Variants in KCNMB2 observed in about 807,000 individuals in gnomAD.
KCNMB2 encodes the protein calcium-activated potassium channel subunit beta-2.
Under a neutral mutation model 24.5 loss-of-function variants are expected in KCNMB2, and 9 were observed. The observed-to-expected ratio is 0.37, with a 90% CI of 0.22 to 0.64. KCNMB2 has a LOEUF of 0.64. Ranked by LOEUF, KCNMB2 falls within the 30% of genes least tolerant of loss-of-function variation. KCNMB2 has a pLI of 0.63. For synonymous variants in KCNMB2, 109 were observed against 104.4 expected (o/e 1.04, Z -0.27); for missense variants, 226 against 284.3 (o/e 0.79, Z 1.47).
intron 1 of KCNMB2, among the ~76,000 whole-genome samples, chr3:178,716,086 G>A (rs1577120582): frequency 3.9e-5 from 6 of 152,190 alleles, no homozygotes; most frequent in Admixed American, 2.0e-4. Context: ...TTACAGTTCA[G>A]CCAACTCCCA....
intron 2 of KCNMB2, among the ~76,000 whole-genome samples, 179 bp from the exon 3 acceptor site, chr3:178,825,409 T>TG (rs112922424): frequency 2.0e-5 from 3 of 152,114 alleles, no homozygotes; most frequent in African/African-American, 7.2e-5. Flanking sequence ...CATGTGCTTG[T>TG]GAGTGTGTGT....
chr3:178,611,501 A>G (rs538342694), intron 1 of KCNMB2, among the ~76,000 whole-genome samples: 78 of 152,218 alleles, frequency 5.1e-4, no homozygotes, highest in Middle Eastern at 3.4e-3. Flanking sequence ...TCAGGAGATC[A>G]AGACCATCCT....
At chr3:178,597,587 G>A (rs762729340) in intron 1 of KCNMB2, among the ~76,000 whole-genome samples, 15 of 152,128 alleles carry the variant, frequency 9.9e-5, no homozygotes, top group Non-Finnish European at 1.8e-4. Context: ...TGGGAACAAA[G>A]TCACACTGTC....
In KCNMB2 at chr3:178,583,319, A is replaced by C. The variant is rs574611758; in HGVS notation, c.-68+46608A>C. 8.8e-4 allele frequency among the ~76,000 whole-genome samples: 134 copies of C among 152,342 alleles called. 1 individual carries two copies. Among genetic ancestry groups the C allele is most frequent in the African/African-American group, 3.2e-3 (132 of 41,586 alleles). On this transcript the variant is annotated intron_variant, in intron 1 of 4. Transcript: ENST00000452583. ...ACAAAGTAAGATGAGCAATTACATC[A>C]GATTATACTAATCATTGGTTAAATC...
intron 2 of KCNMB2, among the ~76,000 whole-genome samples, chr3:178,822,937 A>T (rs1250635677): frequency 1.3e-5 from 2 of 152,190 alleles, no homozygotes; most frequent in African/African-American, 2.4e-5. Context: ...GCTGTCTTCT[A>T]TCTGCAGGAA....
chr3:178,679,527 G>A (rs1205705251), intron 1 of KCNMB2, among the ~76,000 whole-genome samples: 1 of 152,180 alleles, frequency 6.6e-6, no homozygotes, highest in Non-Finnish European at 1.5e-5. Context: ...GTTGGGGCTT[G>A]CACATGTACA....
intron 1 of KCNMB2, among the ~76,000 whole-genome samples, chr3:178,751,573 C>CAAAAAAAAAAAAAA (rs61148761): frequency 2.1e-5 from 1 of 47,692 alleles, no homozygotes; most frequent in Non-Finnish European, 3.5e-5. Flanking sequence ...GACTCCGTCT[C>CAAAAAAAAAAAAAA]AAAAAAAAAA....
In KCNMB2 at chr3:178,793,052, C is replaced by T. The variant is rs1713388075; in HGVS notation, c.-67-14291C>T. Among the ~76,000 whole-genome samples the T allele has an allele frequency of 2.0e-5, 3 of 152,332 alleles. No individual in the cohort carries two copies. The South Asian group carries it at 6.2e-4, about 32-fold the overall frequency. On this transcript the variant is annotated intron_variant, in intron 1 of 4. Transcript: ENST00000452583. ...ACAGCCACAAGCTACATCGACAGTG[C>T]CCATGTTCTGCTGCTGAGCCACCAT...
chr3:178,835,980 A>G (rs1715214811), intron 4 of KCNMB2, among the ~76,000 whole-genome samples: 1 of 152,156 alleles, frequency 6.6e-6, no homozygotes, highest in Non-Finnish European at 1.5e-5. Flanking sequence ...GATTTTATCA[A>G]ATTTCTAACC....
intron 2 of KCNMB2, among the ~76,000 whole-genome samples, chr3:178,823,564 A>T (rs191098367): frequency 7.2e-5 from 11 of 152,348 alleles, no homozygotes; most frequent in Admixed American, 2.0e-4. Context: ...CAATACTTAG[A>T]TTAATAAATA....
intron 1 of KCNMB2, among the ~76,000 whole-genome samples, chr3:178,676,017 C>T (rs1460349244): frequency 6.6e-6 from 1 of 152,210 alleles, no homozygotes; most frequent in Non-Finnish European, 1.5e-5. Flanking sequence ...GGTTAATCAG[C>T]TTGCCTAAAA....
At position 178,727,180 on chromosome 3, in the gene KCNMB2, T is replaced by G. The variant is rs549199406; in HGVS notation, c.-67-80163T>G. ...TATCTATTCTAGCTCTCAATGTTCTTGAATCTACGTACTGGCCTCAATACA... is the reference window on the plus strand; with the variant it reads ...TATCTATTCTAGCTCTCAATGTTCTGGAATCTACGTACTGGCCTCAATACA... On this transcript the variant is annotated intron_variant, in intron 1 of 4. Transcript: ENST00000452583. Among the ~76,000 whole-genome samples the G allele has an allele frequency of 2.0e-5, 3 of 152,252 alleles. No individual in the cohort carries two copies. In the South Asian group the frequency reaches 6.2e-4, roughly 32 times the overall value.
intron 1 of KCNMB2, among the ~76,000 whole-genome samples, chr3:178,553,608 G>A (rs4857773): frequency 0.24 from 35,719 of 150,514 alleles, 4,955 homozygotes; most frequent in East Asian, 0.44. Context: ...CTCAGCTCAC[G>A]GCAACCTTCA....
intron 1 of KCNMB2, among the ~76,000 whole-genome samples, chr3:178,650,772 C>T (rs896657875): frequency 3.3e-5 from 5 of 152,066 alleles, no homozygotes; most frequent in African/African-American, 9.7e-5. Context: ...TATCAATATA[C>T]GTAATCCATC....
intron 1 of KCNMB2, among the ~76,000 whole-genome samples, chr3:178,586,947 A>AT (rs1190900666): frequency 1.3e-5 from 2 of 152,118 alleles, no homozygotes; most frequent in Non-Finnish European, 2.9e-5. Flanking sequence ...TTATGTTTAG[A>AT]TTTTTTAATC....
chr3:178,624,244 ATTT>A (rs35333167), intron 1 of KCNMB2, among the ~76,000 whole-genome samples: 175 of 144,274 alleles, frequency 1.2e-3, no homozygotes, highest in East Asian at 2.6e-3. Flanking sequence ...TTACTGGGTA[ATTT>A]TTTTTTTTTT....
intron 1 of KCNMB2, among the ~76,000 whole-genome samples, chr3:178,633,731 C>A (rs1281346964): frequency 1.3e-5 from 2 of 152,232 alleles, no homozygotes; most frequent in Admixed American, 6.5e-5. Context: ...TAGCATTTGG[C>A]TCCTTGTTAC....
chr3:178,815,074 A>G (rs1336405397), intron 2 of KCNMB2, among the ~76,000 whole-genome samples: 2 of 152,172 alleles, frequency 1.3e-5, no homozygotes, highest in Non-Finnish European at 2.9e-5. Context: ...CTAATATATA[A>G]AAAGGCAATT....
rs201400665 is a variant in KCNMB2, at chr3:178,583,118, CA to C, written c.-68+46409del. ...CAATATAATCTATGTCTTAGGACTT[CA>C]AGTGAACAGTCTTAAAGTATACATT... On this transcript the variant is annotated intron_variant, in intron 1 of 4. Coordinates refer to ENST00000452583, the MANE Select transcript of KCNMB2 (RefSeq NM_181361.3). Among the ~76,000 whole-genome samples the C allele has an allele frequency of 7.0e-3, 1,058 of 152,174 alleles. 15 individuals are homozygous for C. The highest frequency in any genetic ancestry group is 0.024 in the African/African-American group (1,001 of 41,526).
Sources: gnomAD v4.1 joint callset for allele counts (sites outside exome capture counted in the v4.1 genomes callset) on GRCh38, gnomAD v4.1.1 for gene constraint, MANE v1.5 for transcripts, NCBI Gene and HGNC (gene_info 2026-07-23, HGNC 2026-07-21) for gene names.